PSMD14: variants seen among roughly 807,000 people sequenced by gnomAD.
PSMD14 encodes the protein ubiquitin C-terminal hydrolase PSMD14.
In PSMD14, 7 loss-of-function variants were observed where a neutral mutation model predicts 41.2. The ratio of observed to expected loss-of-function variants is 0.17; its 90% confidence interval spans 0.10 to 0.32. PSMD14 has a LOEUF of 0.32. Among genes scored for constraint, PSMD14 ranks in the 10% least tolerant of loss-of-function variants. PSMD14 has a pLI of 1.00. For synonymous variants in PSMD14, 114 were observed against 122.3 expected, an observed-to-expected ratio of 0.93 and a Z score of 0.45; for missense variants, 139 against 375.6, an observed-to-expected ratio of 0.37 and a Z score of 5.21.
intron 3 of PSMD14, 60 bp downstream of exon 3, chr2:161,318,933 A>T: frequency 7.4e-7 from 1 of 1,354,466 alleles, no homozygotes; most frequent in Non-Finnish European, 1.0e-6. Context: ...TTTTGTAGTT[A>T]GCCAAAGAGA....
chr2:161,337,918 CTTAA>C (rs879564619), intron 3 of PSMD14, among the ~76,000 whole-genome samples: 7 of 152,150 alleles, frequency 4.6e-5, no homozygotes, highest in African/African-American at 4.8e-5. Context: ...TCTCTGACTA[CTTAA>C]TTGTTACAAG....
At chr2:161,341,051 G>C (rs1465640267) in intron 3 of PSMD14, 1 of 1,586,202 alleles carries the variant, frequency 6.3e-7, no homozygotes. Context: ...CTGGCCCTTC[G>C]GGCTCCCCCG....
At chr2:161,329,063 G>A (rs1198308545) in intron 3 of PSMD14, among the ~76,000 whole-genome samples, 1 of 152,000 alleles carries the variant, frequency 6.6e-6, no homozygotes, top group Non-Finnish European at 1.5e-5. Flanking sequence ...TACTAGAGAG[G>A]TTACCACAGT....
chr2:161,395,187 C>A lies in PSMD14; in HGVS notation c.755C>A (p.Ala252Asp). 6.3e-7 allele frequency: 1 copy of A among 1,587,466 alleles called. No homozygotes were observed. ...ESVVKEMLEL[A>D]KNYNKAVEEE... is the part of the protein sequence containing the mutation. ...GTGGTAAAAGAGATGTTGGAATTAG[C>A]CAAGAATTACAATAAGGTAAAAGTT... is the stretch of plus-strand genomic sequence containing the variant. The change falls in exon 10 of 12, where the codon GCC becomes GAC. Residue 252 changes from alanine (A) to aspartate (D), a missense_variant. By Grantham distance (126) the Ala-to-Asp change is moderately radical. This residue lies in a region of PSMD14 where 80 missense variants were observed against 138.1 expected (regional missense o/e 0.58). Transcript: ENST00000409682.
chr2:161,393,482 CTTCAAAAGCCTTATAG>C (rs1683742840), intron 9 of PSMD14, among the ~76,000 whole-genome samples: 1 of 152,116 alleles, frequency 6.6e-6, no homozygotes, highest in Non-Finnish European at 1.5e-5. Context: ...AGTTTTGTAT[CTTCAAAAGCCTTATAG>C]GTGATTTTGA....
chr2:161,339,589 TGA>T (rs1383466339), intron 3 of PSMD14, among the ~76,000 whole-genome samples: 90 of 150,370 alleles, frequency 6.0e-4, no homozygotes, highest in African/African-American at 2.1e-3. Context: ...GAGGAGTACA[TGA>T]GGTGTGGTGC....
chr2:161,322,603 T>G (rs950490335), intron 3 of PSMD14, among the ~76,000 whole-genome samples: 5 of 152,150 alleles, frequency 3.3e-5, no homozygotes, highest in African/African-American at 1.2e-4. Flanking sequence ...TTGGCCGGGC[T>G]GGTCTTGAAC....
chr2:161,347,925 C>T lies in PSMD14; in HGVS notation c.49-19553C>T, dbSNP rs114854653. 2.9e-3 allele frequency among the ~76,000 whole-genome samples: 436 copies of T among 152,270 alleles called. 4 individuals carry two copies. The highest frequency in any genetic ancestry group is 4.6e-3 in the Non-Finnish European group (316 of 68,014). ...AGCATAAAAAGCAAACAGTGAGCTA[C>T]GGCTTGGGAAAGTTTTATCTAACAT... On this transcript the variant is annotated intron_variant, in intron 3 of 11. Coordinates refer to ENST00000409682, the MANE Select transcript of PSMD14 (RefSeq NM_005805.6).
At chr2:161,366,458 A>T (rs1178880875) in intron 3 of PSMD14, among the ~76,000 whole-genome samples, 3 of 151,994 alleles carry the variant, frequency 2.0e-5, no homozygotes, top group Non-Finnish European at 4.4e-5. Context: ...TATGTATGGA[A>T]TGTAAAGCAA....
At chr2:161,310,774 G>A (rs1689078533) in intron 1 of PSMD14, among the ~76,000 whole-genome samples, 2 of 152,152 alleles carry the variant, frequency 1.3e-5, no homozygotes, top group South Asian at 4.1e-4. Flanking sequence ...TAGTGAGTAG[G>A]TGGTGACGCC....
At chr2:161,375,568 A>G (rs2105259895) in intron 7 of PSMD14, among the ~76,000 whole-genome samples, 1 of 152,158 alleles carries the variant, frequency 6.6e-6, no homozygotes, top group African/African-American at 2.4e-5. Context: ...CCTCATGGGA[A>G]GAATGTAGAA....
At chr2:161,371,034 G>A (rs1257720289) in intron 6 of PSMD14, 138 bp from the exon 7 acceptor site, 3 of 925,786 alleles carry the variant, frequency 3.2e-6, no homozygotes, top group Non-Finnish European at 4.8e-6. Context: ...CAATTTCAGG[G>A]TTTCTAATGG....
chr2:161,319,122 T>A, intron 3 of PSMD14: 1 of 333,622 alleles, frequency 3.0e-6, no homozygotes, highest in Non-Finnish European at 5.4e-6. Flanking sequence ...TTTTGAGATA[T>A]GTAGGATTAT....
chr2:161,309,391 G>T (rs904674738), intron 1 of PSMD14, among the ~76,000 whole-genome samples: 6 of 152,188 alleles, frequency 3.9e-5, no homozygotes, highest in Non-Finnish European at 8.8e-5. Flanking sequence ...ATTATGGAAA[G>T]GCAGGGGAAA....
At chr2:161,341,129 G>C (rs1025659115) in intron 3 of PSMD14, 6 of 1,278,540 alleles carry the variant, frequency 4.7e-6, no homozygotes, top group Non-Finnish European at 5.9e-6. Context: ...CCGCGGGCGA[G>C]GCCGCCGGCT....
chr2:161,361,458 AT>A (rs34494874), intron 3 of PSMD14, among the ~76,000 whole-genome samples: 51 of 149,642 alleles, frequency 3.4e-4, no homozygotes, highest in African/African-American at 1.3e-3. Context: ...ACACGGATAG[AT>A]TTTTTTTTTC....
intron 9 of PSMD14, among the ~76,000 whole-genome samples, chr2:161,394,325 A>G (rs16845811): frequency 0.034 from 5,119 of 152,134 alleles, 282 homozygotes; most frequent in African/African-American, 0.11. Flanking sequence ...TCATCCTGAC[A>G]ATAAGGAAGT....
At chr2:161,397,913 A>G (rs1019217325) in intron 10 of PSMD14, among the ~76,000 whole-genome samples, 1 of 152,216 alleles carries the variant, frequency 6.6e-6, no homozygotes, top group Non-Finnish European at 1.5e-5. Context: ...CGTATTTTAA[A>G]TAGTTAACCT....
At chr2:161,341,294 C>G in intron 3 of PSMD14, 4 of 1,020,580 alleles carry the variant, frequency 3.9e-6, no homozygotes, top group Non-Finnish European at 4.7e-6. Context: ...CCAGCGCAGG[C>G]AGCGCGGCCA....
Sources: allele counts gnomAD v4.1 joint callset (sites outside exome capture counted in the v4.1 genomes callset), GRCh38; gene constraint gnomAD v4.1.1; regional missense constraint gnomAD v4.1.1; transcripts MANE v1.5; gene names NCBI Gene and HGNC (gene_info 2026-07-23, HGNC 2026-07-21).